MORC1: variants seen among roughly 807,000 people sequenced by gnomAD.
MORC1 encodes MORC family CW-type zinc finger protein 1.
A neutral mutation model predicts 134.9 loss-of-function variants in MORC1; 59 were observed. The observed-to-expected ratio is 0.44, with a 90% CI of 0.35 to 0.54. The LOEUF is 0.54. Ranked by LOEUF, MORC1 falls within the 20% of genes least tolerant of loss-of-function variation. The pLI, the probability that MORC1 is intolerant of heterozygous loss-of-function variation, is 0.00. For missense variants in MORC1, 947 were observed against 1,134.5 expected (o/e 0.83, Z 2.37); for synonymous variants, 395 against 391.7 (o/e 1.01, Z -0.10).
At chr3:109,000,421 T>C in intron 21 of MORC1, 136 bp downstream of exon 21, 1 of 630,924 alleles carries the variant, frequency 1.6e-6, no homozygotes, top group Non-Finnish European at 2.6e-6. Flanking sequence ...CTTAAACTTT[T>C]CTGAGTCTTA....
rs1458606081 is a variant in MORC1 at position 109,118,028 on chromosome 3, G to A, written c.32C>T (p.Ala11Val). The A allele has an allele frequency of 1.9e-6, 3 of 1,609,474 alleles. No homozygotes were observed. The highest frequency in any genetic ancestry group is 2.7e-5 in the African/African-American group (2 of 74,834). The change falls in exon 1 of 28, where the codon GCC becomes GTC. Residue 11 changes from alanine to valine, a missense_variant. By Grantham distance (64) the Ala-to-Val change is moderately conservative (BLOSUM62 0). This residue lies in a region of MORC1 where 214 missense variants were observed against 281.3 expected (regional missense o/e 0.76). Coordinates refer to ENST00000232603, the MANE Select transcript of MORC1 (RefSeq NM_014429.4). MDDRYPALQRAQLRLDFIHAN... is the reference protein window; with the variant it reads MDDRYPALQRVQLRLDFIHAN... ...GTGGATGAAATCCAGACGCAGCTGGGCCCGCTGAAGCGCAGGGTACCTGTC... is the reference window on the plus strand; with the variant it reads ...GTGGATGAAATCCAGACGCAGCTGGACCCGCTGAAGCGCAGGGTACCTGTC...
At chr3:109,112,222 G>C (rs373042206) in intron 2 of MORC1, among the ~76,000 whole-genome samples, 1 of 152,034 alleles carries the variant, frequency 6.6e-6, no homozygotes, top group East Asian at 1.9e-4. Flanking sequence ...TTTAGCCCAG[G>C]ATACTTCCTT....
intron 11 of MORC1, among the ~76,000 whole-genome samples, chr3:109,060,995 A>AT (rs769681851): frequency 5.4e-4 from 78 of 144,320 alleles, no homozygotes; most frequent in Middle Eastern, 3.8e-3. Flanking sequence ...TTAAAAAAAA[A>AT]TGAAAAAAAA....
chr3:109,106,099 T>A (rs922939198), intron 3 of MORC1, among the ~76,000 whole-genome samples: 1 of 152,232 alleles, frequency 6.6e-6, no homozygotes, highest in Non-Finnish European at 1.5e-5. Context: ...CAACTAGAGA[T>A]ATTCTAATGT....
chr3:109,063,588 T>C (rs560552479), intron 9 of MORC1, among the ~76,000 whole-genome samples: 1 of 152,312 alleles, frequency 6.6e-6, no homozygotes, highest in East Asian at 1.9e-4. Flanking sequence ...ACTCAGATTA[T>C]GATCGACACT....
In MORC1 at chr3:109,069,626, A is replaced by C; in HGVS notation, c.815+6T>G. ...CTGTGAAGATAACTGAAGAAAGATG[A>C]GTTACCTGGGTCTGTAGAGGCAATA... On this transcript the variant is annotated splice_donor_region_variant and intron_variant, in intron 9 of 27. Transcript: ENST00000232603. 3.2e-6 allele frequency: 5 copies of C among 1,563,498 alleles called. No homozygotes were observed. Among genetic ancestry groups the C allele is most frequent in the African/African-American group, 1.4e-5 (1 of 73,670 alleles).
intron 27 of MORC1, among the ~76,000 whole-genome samples, chr3:108,962,458 T>A (rs1311490904): frequency 6.6e-6 from 1 of 152,138 alleles, no homozygotes. Context: ...TACAGATATA[T>A]GTATGGCGAG....
At chr3:109,113,038 G>A (rs964414942) in intron 2 of MORC1, among the ~76,000 whole-genome samples, 2 of 152,144 alleles carry the variant, frequency 1.3e-5, no homozygotes, top group African/African-American at 4.8e-5. Context: ...AACTTCAAAG[G>A]AGAAAAGACA....
intron 15 of MORC1, among the ~76,000 whole-genome samples, chr3:109,034,811 C>T (rs904934165): frequency 1.3e-5 from 2 of 152,124 alleles, no homozygotes; most frequent in Non-Finnish European, 2.9e-5. Flanking sequence ...TGCAGAGGCA[C>T]AATCACAGCT....
intron 23 of MORC1, among the ~76,000 whole-genome samples, chr3:108,980,582 T>C (rs1048257364): frequency 2.6e-5 from 4 of 152,280 alleles, no homozygotes; most frequent in African/African-American, 9.6e-5. Context: ...CTAAGCTAGC[T>C]TTGGAATAAA....
At chr3:109,059,936 T>C (rs1950042119) in intron 11 of MORC1, 66 bp from the exon 12 acceptor site, 8 of 1,314,138 alleles carry the variant, frequency 6.1e-6, no homozygotes, top group Non-Finnish European at 8.6e-6. Flanking sequence ...AAGTTGATAT[T>C]ATCCTATTAT....
chr3:109,054,351 A>C (rs938730533), intron 14 of MORC1, among the ~76,000 whole-genome samples: 1 of 152,110 alleles, frequency 6.6e-6, no homozygotes, highest in African/African-American at 2.4e-5. Context: ...ATGGTATGAC[A>C]TAACAACATT....
chr3:109,114,117 A>T (rs1951224318), intron 2 of MORC1, among the ~76,000 whole-genome samples: 1 of 152,252 alleles, frequency 6.6e-6, no homozygotes, highest in African/African-American at 2.4e-5. Context: ...TATAATTCAA[A>T]AAATATCTAA....
intron 13 of MORC1, among the ~76,000 whole-genome samples, chr3:109,056,478 C>T (rs949098026): frequency 1.3e-5 from 2 of 152,202 alleles, no homozygotes; most frequent in Non-Finnish European, 2.9e-5. Context: ...CCGCCCACCT[C>T]GGGCTCCCAA....
intron 24 of MORC1, among the ~76,000 whole-genome samples, chr3:108,976,406 A>G (rs534543554): frequency 1.3e-5 from 2 of 152,188 alleles, no homozygotes; most frequent in South Asian, 4.1e-4. Flanking sequence ...GCTGACCACA[A>G]TCTTCATGCC....
At chr3:109,017,574 T>C (rs1428565338) in intron 17 of MORC1, among the ~76,000 whole-genome samples, 1 of 152,230 alleles carries the variant, frequency 6.6e-6, no homozygotes, top group African/African-American at 2.4e-5. Flanking sequence ...GCATCAGTTT[T>C]GGGGCTGGCC....
At chr3:109,043,277 G>T (rs754925169) in intron 14 of MORC1, among the ~76,000 whole-genome samples, 5 of 151,576 alleles carry the variant, frequency 3.3e-5, no homozygotes, top group Non-Finnish European at 7.4e-5. Flanking sequence ...TGAACTTTGA[G>T]GACATTATGC....
rs142067991 is a variant in MORC1 at position 108,982,976 on chromosome 3, G to A, written c.2324+1740C>T. The stretch of plus-strand genomic sequence containing the variant: ...TGCAAAAAAAAAAAGATTGTTTTTC[G>A]TGGACTGTTTCTAACATTCATATTG... On this transcript the variant is annotated intron_variant, in intron 23 of 27. Transcript: ENST00000232603. Among the ~76,000 whole-genome samples, 142 of 148,970 alleles carry A rather than the reference G, an allele frequency of 9.5e-4. 1 individual carries two copies. Among genetic ancestry groups the A allele is most frequent in the African/African-American group, 3.2e-3 (130 of 40,564 alleles).
At position 109,069,628 on chromosome 3, in the gene MORC1, T is replaced by C. The variant is rs750537207; in HGVS notation, c.815+4A>G. 1 of 1,567,126 alleles carries C rather than the reference T, an allele frequency of 6.4e-7. No homozygotes were observed. The highest frequency in any genetic ancestry group is 8.7e-7 in the Non-Finnish European group (1 of 1,152,752). The stretch of plus-strand genomic sequence containing the variant: ...GTGAAGATAACTGAAGAAAGATGAG[T>C]TACCTGGGTCTGTAGAGGCAATAGC... On this transcript the variant is annotated splice_donor_region_variant and intron_variant, in intron 9 of 27. Coordinates refer to ENST00000232603, the MANE Select transcript of MORC1 (RefSeq NM_014429.4).
Sources: allele counts gnomAD v4.1 joint callset (sites outside exome capture counted in the v4.1 genomes callset), GRCh38; gene constraint gnomAD v4.1.1; regional missense constraint gnomAD v4.1.1; transcripts MANE v1.5; gene names NCBI Gene and HGNC (gene_info 2026-07-23, HGNC 2026-07-21).